GPHN: variants seen among roughly 807,000 people sequenced by gnomAD.
The protein encoded by GPHN is gephyrin.
A neutral mutation model predicts 95.5 loss-of-function variants in GPHN; 17 were observed. That is an observed-to-expected ratio of 0.18 (90% CI 0.12 to 0.27). The LOEUF (loss-of-function observed/expected upper bound fraction) is 0.27, where lower values mean the gene tolerates loss of function less well. Among genes scored for constraint, GPHN ranks in the 10% least tolerant of loss-of-function variants. GPHN has a pLI of 1.00. For synonymous variants in GPHN, 320 were observed against 322.5 expected, an observed-to-expected ratio of 0.99 and a Z score of 0.08; for missense variants, 660 against 978.1, an observed-to-expected ratio of 0.67 and a Z score of 4.34.
In GPHN at chr14:66,807,111, A is replaced by T. The variant is rs539594687; in HGVS notation, c.202-17363A>T. On this transcript the variant is annotated intron_variant, in intron 3 of 22. Coordinates refer to ENST00000478722, the MANE Select transcript of GPHN (RefSeq NM_020806.5). ...ATCATGGTGGAAGGCAAGGAAGAGC[A>T]AGTCACATCTTACGTAGATGGCAGC... Among the ~76,000 whole-genome samples the T allele has an allele frequency of 2.2e-4, 34 of 152,328 alleles. 1 individual carries two copies. The South Asian group carries it at 7.1e-3, about 32-fold the overall frequency.
At chr14:67,074,336 A>G (rs72715335) in intron 11 of GPHN, among the ~76,000 whole-genome samples, 10,092 of 152,048 alleles carry the variant, frequency 0.066, 354 homozygotes, top group Middle Eastern at 0.086. Flanking sequence ...TTATTTTTAT[A>G]TCTCTTACAG....
At chr14:67,047,366 GTTT>G (rs1196897917) in intron 10 of GPHN, among the ~76,000 whole-genome samples, 5 of 108,778 alleles carry the variant, frequency 4.6e-5, no homozygotes, top group East Asian at 2.6e-4. Context: ...GTGTGTGTTT[GTTT>G]TTTTTTTTTT....
At chr14:66,792,831 A>G (rs1361403609) in intron 3 of GPHN, among the ~76,000 whole-genome samples, 2 of 152,246 alleles carry the variant, frequency 1.3e-5, no homozygotes, top group Admixed American at 1.3e-4. Flanking sequence ...TTACCTATGT[A>G]TTTATTAACA....
the GPHN span, among the ~76,000 whole-genome samples, chr14:67,634,321 G>A: frequency 3.3e-5 from 5 of 151,510 alleles, no homozygotes; most frequent in Admixed American, 2.0e-4. Flanking sequence ...GGCTGGGTGC[G>A]ATGGCTCACA....
intron 1 of GPHN, among the ~76,000 whole-genome samples, chr14:66,629,391 C>G (rs1365369171): frequency 1.3e-5 from 2 of 151,568 alleles, no homozygotes; most frequent in Non-Finnish European, 2.9e-5. Context: ...TCACTGTCTT[C>G]CACCTCCTTA....
the GPHN span, among the ~76,000 whole-genome samples, chr14:67,399,994 C>G: frequency 6.6e-6 from 1 of 152,326 alleles, no homozygotes; most frequent in East Asian, 1.9e-4. Flanking sequence ...GTTGCCCCAA[C>G]TCACTCATTT....
intron 17 of GPHN, among the ~76,000 whole-genome samples, chr14:67,136,359 G>A (rs566310902): frequency 3.2e-4 from 48 of 152,280 alleles, no homozygotes; most frequent in Non-Finnish European, 1.2e-4. Context: ...TTCTATTAAA[G>A]TACAAAAAAT....
the GPHN span, among the ~76,000 whole-genome samples, chr14:67,518,831 CCAGT>C: frequency 6.6e-6 from 1 of 152,148 alleles, no homozygotes; most frequent in Non-Finnish European, 1.5e-5. Context: ...GAGGGTGATT[CCAGT>C]GGAGGAACTG....
the GPHN span, among the ~76,000 whole-genome samples, chr14:67,732,907 C>A: frequency 6.6e-6 from 1 of 152,114 alleles, no homozygotes; most frequent in South Asian, 2.1e-4. Flanking sequence ...CTTTTATCAG[C>A]ACTGCATGTT....
the GPHN span, chr14:67,733,935 C>CT: frequency 2.0e-6 from 2 of 992,390 alleles, no homozygotes; most frequent in Non-Finnish European, 3.2e-6. Context: ...AAGGATTGTC[C>CT]TCTTGGCCAG....
chr14:67,593,274 G>A, the GPHN span: 1 of 178,388 alleles, frequency 5.6e-6, no homozygotes, highest in Non-Finnish European at 1.2e-5. Context: ...AGGATGGCTT[G>A]AGCCCAGGAA....
At chr14:67,439,199 C>T in the GPHN span, among the ~76,000 whole-genome samples, 1 of 152,326 alleles carries the variant, frequency 6.6e-6, no homozygotes, top group Non-Finnish European at 1.5e-5. Context: ...GGGGATAATG[C>T]TTGTGCCTAG....
the GPHN span, among the ~76,000 whole-genome samples, chr14:67,511,534 G>A: frequency 2.0e-5 from 3 of 152,142 alleles, no homozygotes; most frequent in Non-Finnish European, 4.4e-5. Flanking sequence ...TCCCTACTGG[G>A]AAGCCAGCAG....
the GPHN span, chr14:67,350,720 A>C: frequency 1.3e-6 from 2 of 1,585,672 alleles, no homozygotes; most frequent in Non-Finnish European, 1.7e-6. Flanking sequence ...CAGCAGATTC[A>C]ACCAAGCCTT....
chr14:67,222,565 C>T, the GPHN span, among the ~76,000 whole-genome samples: 1 of 152,242 alleles, frequency 6.6e-6, no homozygotes, highest in East Asian at 1.9e-4. Flanking sequence ...AGTGAGCCAC[C>T]ACCCTGGACC....
intron 8 of GPHN, among the ~76,000 whole-genome samples, chr14:66,929,807 G>C (rs1267319741): frequency 1.3e-5 from 2 of 151,814 alleles, no homozygotes; most frequent in Admixed American, 6.6e-5. Flanking sequence ...TGCCTCCCGG[G>C]TTCACGCCAT....
intron 2 of GPHN, among the ~76,000 whole-genome samples, chr14:66,750,729 C>A (rs1218925918): frequency 6.6e-6 from 1 of 151,892 alleles, no homozygotes; most frequent in Non-Finnish European, 1.5e-5. Flanking sequence ...ATGCTTGAAT[C>A]CAAAAACAAA....
intron 2 of GPHN, among the ~76,000 whole-genome samples, chr14:66,718,011 G>A (rs2070354213): frequency 6.6e-6 from 1 of 152,228 alleles, no homozygotes; most frequent in African/African-American, 2.4e-5. Context: ...GCTTTCCAGA[G>A]AGTATCAGCT....
At chr14:67,049,757 C>G (rs1052308148) in intron 10 of GPHN, among the ~76,000 whole-genome samples, 1 of 152,122 alleles carries the variant, frequency 6.6e-6, no homozygotes, top group Non-Finnish European at 1.5e-5. Flanking sequence ...GTGATCCGCC[C>G]ACCTCAGCCT....
Sources: gnomAD v4.1 joint callset for allele counts (sites outside exome capture counted in the v4.1 genomes callset) on GRCh38, gnomAD v4.1.1 for gene constraint, MANE v1.5 for transcripts, NCBI Gene and HGNC (gene_info 2026-07-23, HGNC 2026-07-21) for gene names.